The following CECR2 variants were observed in gnomAD, a reference collection of about 807,000 sequenced individuals.
CECR2 encodes the protein CECR2 histone acetyl-lysine reader.
CECR2 carries 30 observed loss-of-function variants against 154.5 expected under a neutral mutation model. The observed-to-expected ratio is 0.19, with a 90% CI of 0.15 to 0.26. CECR2 has a LOEUF of 0.26. Ranked by LOEUF, CECR2 falls within the 10% of genes least tolerant of loss-of-function variation. CECR2 has a pLI of 1.00. For missense variants in CECR2, 1,743 were observed against 1,829.3 expected, an observed-to-expected ratio of 0.95 and a Z score of 0.86; for synonymous variants, 725 against 683.7, an observed-to-expected ratio of 1.06 and a Z score of -0.94.
chr22:17,404,648 C>T (rs2053954757), intron 1 of CECR2, among the ~76,000 whole-genome samples: 3 of 131,094 alleles, frequency 2.3e-5, no homozygotes, highest in South Asian at 2.2e-4. Flanking sequence ...GCTGGGATTA[C>T]AGGCGTGAAC....
At chr22:17,523,484 C>T (rs186225470) in intron 8 of CECR2, among the ~76,000 whole-genome samples, 5 of 151,712 alleles carry the variant, frequency 3.3e-5, no homozygotes, top group African/African-American at 1.2e-4. Context: ...CGGCTGGGCA[C>T]GGTGGCTCAC....
intron 1 of CECR2, among the ~76,000 whole-genome samples, chr22:17,435,983 C>T (rs2054500978): frequency 6.6e-6 from 1 of 152,130 alleles, no homozygotes. Flanking sequence ...CTCCCTCTGT[C>T]TGTCTCGCTC....
At chr22:17,367,489 G>A (rs2063008303), upstream of CECR2, among the ~76,000 whole-genome samples, 1 of 151,992 alleles carries the variant, frequency 6.6e-6, no homozygotes, top group African/African-American at 2.4e-5. Flanking sequence ...GAGTTCAGGC[G>A]ATTCTCCTGC....
intron 1 of CECR2, among the ~76,000 whole-genome samples, chr22:17,429,556 A>AAAAAAAAAG (rs1569077256): frequency 2.0e-5 from 3 of 150,272 alleles, no homozygotes; most frequent in Non-Finnish European, 4.4e-5. Flanking sequence ...AAAAACAAAA[A>AAAAAAAAAG]CAAAGAAAAG....
chr22:17,415,159 C>T (rs1221893308), intron 1 of CECR2, among the ~76,000 whole-genome samples: 1 of 152,176 alleles, frequency 6.6e-6, no homozygotes, highest in Non-Finnish European at 1.5e-5. Context: ...TGTTAACAGA[C>T]ATATGGCTTG....
Position 17,555,225 on chromosome 22 carries a change from G to A in CECR2, c.*2385G>A, listed in dbSNP as rs766754539. ...CTGTTGCTAGAGCGATGCTGTGAAC[G>A]ATACAGGAAAAGTCAGTAAATCCCT... On this transcript the variant is annotated 3_prime_UTR_variant, in exon 19 of 19. Coordinates refer to ENST00000262608, the MANE Select transcript of CECR2 (RefSeq NM_001290047.2). The A allele has an allele frequency of 6.6e-6, 1 of 152,230 alleles. No homozygotes were observed. Among genetic ancestry groups the A allele is most frequent in the Admixed American group, 6.5e-5 (1 of 15,286 alleles). The allele number at this position is 152,230 out of a possible 1,614,324, so 9.4% of individuals were successfully genotyped here.
Position 17,548,143 on chromosome 22 carries a change from TGCAGC to T in CECR2, c.2861-4_2861del. 4 of 1,462,548 alleles carry T rather than the reference TGCAGC, an allele frequency of 2.7e-6. No individual in the cohort carries two copies. Among genetic ancestry groups the T allele is most frequent in the Non-Finnish European group, 2.7e-6 (3 of 1,105,144 alleles). The allele number at this position is 1,462,548 out of a possible 1,614,324, so 90.6% of individuals were successfully genotyped here. On this transcript the variant is annotated splice_acceptor_variant and splice_polypyrimidine_tract_variant and coding_sequence_variant and intron_variant, in exon 17 of 19. Coordinates refer to ENST00000262608, the MANE Select transcript of CECR2 (RefSeq NM_001290047.2). LOFTEE classifies it high-confidence loss of function. ...TTTTTCTCCTCTTTTTTTTTTTTTT[TGCAGC>T]AGAGCCGTTGCCTGGCCTTGAAGAG...
chr22:17,381,114 G>T (rs2063183118), intron 1 of CECR2, among the ~76,000 whole-genome samples: 1 of 151,200 alleles, frequency 6.6e-6, no homozygotes, highest in Non-Finnish European at 1.5e-5. Context: ...CGGGGGGGAA[G>T]GTGCTTTAAA....
At chr22:17,485,548 C>T (rs2055405706) in intron 2 of CECR2, among the ~76,000 whole-genome samples, 1 of 152,172 alleles carries the variant, frequency 6.6e-6, no homozygotes, top group Non-Finnish European at 1.5e-5. Context: ...GCAGGCCGCT[C>T]ACATGAACTC....
At chr22:17,531,552 A>G (rs1176539187) in intron 9 of CECR2, among the ~76,000 whole-genome samples, 1 of 152,222 alleles carries the variant, frequency 6.6e-6, no homozygotes, top group Non-Finnish European at 1.5e-5. Flanking sequence ...AAAAGGCTTC[A>G]TAACAGATGC....
At chr22:17,484,569 T>C (rs1292146816) in intron 2 of CECR2, among the ~76,000 whole-genome samples, 1 of 152,184 alleles carries the variant, frequency 6.6e-6, no homozygotes, top group Admixed American at 6.6e-5. Flanking sequence ...AAAACCATTA[T>C]TATAGACTGT....
At chr22:17,518,900 TAGC>T (rs993335017) in intron 8 of CECR2, 5 of 241,286 alleles carry the variant, frequency 2.1e-5, no homozygotes, top group Non-Finnish European at 4.2e-5. Flanking sequence ...CAAAAAAACT[TAGC>T]AGAGATGTCC....
chr22:17,422,437 A>G (rs986427687), intron 1 of CECR2, among the ~76,000 whole-genome samples: 1 of 152,230 alleles, frequency 6.6e-6, no homozygotes, highest in Non-Finnish European at 1.5e-5. Flanking sequence ...GACCTCACTC[A>G]GGTGATCCGC....
chr22:17,513,899 T>G (rs1601493153), intron 8 of CECR2, among the ~76,000 whole-genome samples: 1 of 151,764 alleles, frequency 6.6e-6, no homozygotes, highest in Non-Finnish European at 1.5e-5. Context: ...AGCAAAACTT[T>G]GGCATCAAAC....
chr22:17,376,903 T>G (rs1417149599), intron 1 of CECR2, among the ~76,000 whole-genome samples: 2 of 152,078 alleles, frequency 1.3e-5, no homozygotes, highest in African/African-American at 4.8e-5. Flanking sequence ...CCCAAAGTAC[T>G]GGGATTAAAG....
intron 13 of CECR2, 137 bp from the exon 14 acceptor site, chr22:17,540,274 AC>A (rs1042317195): frequency 1.4e-6 from 1 of 730,926 alleles, no homozygotes; most frequent in African/African-American, 1.8e-5. Flanking sequence ...CTCATAGATT[AC>A]CCAGGTTGCA....
At chr22:17,367,984 G>T (rs141964744), upstream of CECR2, among the ~76,000 whole-genome samples, 1 of 152,190 alleles carries the variant, frequency 6.6e-6, no homozygotes, top group Non-Finnish European at 1.5e-5. Context: ...TCCAGGGAAT[G>T]AAAGAGCAGA....
chr22:17,433,708 A>G (rs1052636647), intron 1 of CECR2, among the ~76,000 whole-genome samples: 1 of 152,108 alleles, frequency 6.6e-6, no homozygotes, highest in Non-Finnish European at 1.5e-5. Flanking sequence ...CGCCCTCCCA[A>G]AGTACTGGAA....
chr22:17,547,237 C>CT (rs111281450), intron 16 of CECR2, among the ~76,000 whole-genome samples: 28,617 of 146,474 alleles, frequency 0.2, 2,848 homozygotes, highest in Non-Finnish European at 0.23. Flanking sequence ...AAAAATGCCT[C>CT]TTTTTTTTTT....
Sources: allele counts gnomAD v4.1 joint callset (sites outside exome capture counted in the v4.1 genomes callset), GRCh38; gene constraint gnomAD v4.1.1; transcripts MANE v1.5; gene names NCBI Gene and HGNC (gene_info 2026-07-23, HGNC 2026-07-21).